Variants in UMODL1 observed in about 807,000 individuals in gnomAD.
UMODL1 encodes the protein uromodulin-like 1.
In UMODL1, 128 loss-of-function variants were observed where a neutral mutation model predicts 136.3. The ratio of observed to expected loss-of-function variants is 0.94; its 90% CI spans 0.81 to 1.09. The LOEUF (loss-of-function observed/expected upper bound fraction) is 1.09. UMODL1 is among the 50% of genes least tolerant of loss of function. The probability of loss-of-function intolerance (pLI) is 0.00; values close to 1 mark genes in which losing one functional copy is unlikely to be tolerated. For synonymous variants in UMODL1, 721 were observed against 720.0 expected (o/e 1.00, Z -0.02); for missense variants, 1,766 against 1,725.6 (o/e 1.02, Z -0.41).
At chr21:42,109,425 C>A in intron 9 of UMODL1, 137 bp from the exon 10 acceptor site, 2 of 1,147,052 alleles carry the variant, frequency 1.7e-6, no homozygotes, top group Non-Finnish European at 2.5e-6. Flanking sequence ...GAGTGTTGGA[C>A]GGATGCCCCA....
At chr21:42,113,873 A>T (rs1473525430) in intron 13 of UMODL1, 43 bp downstream of exon 13, 2 of 1,588,910 alleles carry the variant, frequency 1.3e-6, no homozygotes, top group East Asian at 4.5e-5. Flanking sequence ...AACAAAAAGT[A>T]TGAAAAAGAC....
intron 12 of UMODL1, 93 bp from the exon 13 acceptor site, chr21:42,113,480 T>G: frequency 2.7e-6 from 4 of 1,464,760 alleles, no homozygotes; most frequent in East Asian, 2.3e-5. Context: ...CATGTCCCCA[T>G]GGTGATGAAT....
chr21:42,063,680 C>T (rs1232239556), intron 1 of UMODL1, among the ~76,000 whole-genome samples: 2 of 152,232 alleles, frequency 1.3e-5, no homozygotes, highest in Non-Finnish European at 2.9e-5. Flanking sequence ...GGGACTGGTG[C>T]ACGCAAGGAG....
chr21:42,064,714 C>T (rs1281044634), intron 1 of UMODL1, among the ~76,000 whole-genome samples: 2 of 152,142 alleles, frequency 1.3e-5, no homozygotes, highest in African/African-American at 4.8e-5. Context: ...CAACACCACA[C>T]CTGGCTAATT....
At chr21:42,070,046 T>C (rs2066216195), upstream of UMODL1, among the ~76,000 whole-genome samples, 1 of 152,232 alleles carries the variant, frequency 6.6e-6, no homozygotes. Context: ...TGTATTCTTG[T>C]CATGGCATCT....
intron 1 of UMODL1, among the ~76,000 whole-genome samples, chr21:42,074,471 G>T (rs1361334664): frequency 6.6e-6 from 1 of 152,150 alleles, no homozygotes; most frequent in African/African-American, 2.4e-5. Context: ...TAGGCAGTAG[G>T]GGCTCCCGGG....
Position 42,088,274 on chromosome 21 carries a change from C to A in UMODL1, c.604-20C>A. On this transcript the variant is annotated intron_variant, in intron 4 of 22. Coordinates refer to ENST00000408910, the MANE Select transcript of UMODL1 (RefSeq NM_001004416.3). Reference sequence around the variant, plus strand: ...CGGGGTGTCCTTCTGCTGTGTGACACTCTGATTCTGCCTTCACAGGTCACC... The same window carrying A: ...CGGGGTGTCCTTCTGCTGTGTGACAATCTGATTCTGCCTTCACAGGTCACC... 1.2e-6 allele frequency: 2 copies of A among 1,605,286 alleles called. No homozygotes were observed. Among genetic ancestry groups the A allele is most frequent in the South Asian group, 2.2e-5 (2 of 90,826 alleles).
At chr21:42,110,381 T>C (rs1233536362) in intron 10 of UMODL1, among the ~76,000 whole-genome samples, 10 of 152,214 alleles carry the variant, frequency 6.6e-5, no homozygotes, top group African/African-American at 2.4e-4. Flanking sequence ...CCGAGACCAG[T>C]TCCCTGGGGA....
chr21:42,104,229 G>A, intron 9 of UMODL1, 142 bp downstream of exon 9: 1 of 940,374 alleles, frequency 1.1e-6, no homozygotes, highest in African/African-American at 1.7e-5. Context: ...ACCGGAACCA[G>A]GGGCCAGGGC....
chr21:42,106,304 A>T (rs1459823742), intron 9 of UMODL1, among the ~76,000 whole-genome samples: 1 of 152,234 alleles, frequency 6.6e-6, no homozygotes, highest in Admixed American at 6.5e-5. Context: ...GGATCTGTAG[A>T]AGAAGACATT....
rs2066449558 is a variant in UMODL1 at position 42,088,314 on chromosome 21, A to G, written c.624A>G (p.Pro208=). The G allele has an allele frequency of 6.2e-7, 1 of 1,613,132 alleles. No individual in the cohort carries two copies. The highest frequency in any genetic ancestry group is 1.3e-5 in the African/African-American group (1 of 74,986). The change falls in exon 5 of 23, where the codon CCA becomes CCG. Residue 208 remains proline, a synonymous_variant. Coordinates refer to ENST00000408910, the MANE Select transcript of UMODL1 (RefSeq NM_001004416.3). The stretch of plus-strand genomic sequence containing the variant: ...CACAGGTCACCAGCGCCCTGCAACC[A>G]ATGGCCTCCACCGTCCACCACCTGC... The part of the protein sequence containing the change: ...LHSLVTSALQ[P]MASTVHHLHS...
chr21:42,129,867 T>TA, intron 21 of UMODL1, 70 bp downstream of exon 21: 1 of 1,214,988 alleles, frequency 8.2e-7, no homozygotes, highest in Non-Finnish European at 1.1e-6. Context: ...AGCATGTAAA[T>TA]AAAAAAGTAA....
At chr21:42,080,021 G>A (rs1286701882) in intron 2 of UMODL1, among the ~76,000 whole-genome samples, 2 of 152,224 alleles carry the variant, frequency 1.3e-5, no homozygotes, top group African/African-American at 4.8e-5. Flanking sequence ...TGCCGCTGGA[G>A]GGCCTGTATC....
chr21:42,081,706 C>T (rs1282764880), intron 2 of UMODL1, among the ~76,000 whole-genome samples: 1 of 152,180 alleles, frequency 6.6e-6, no homozygotes, highest in East Asian at 1.9e-4. Context: ...TACCCCCCAA[C>T]CCAGCTTCCC....
chr21:42,126,037 A>G (rs1196991931), intron 17 of UMODL1, among the ~76,000 whole-genome samples: 1 of 152,180 alleles, frequency 6.6e-6, no homozygotes, highest in Non-Finnish European at 1.5e-5. Flanking sequence ...TGAAATCCAC[A>G]AGAGCTCTTG....
chr21:42,088,846 C>A (rs534815996), intron 5 of UMODL1, among the ~76,000 whole-genome samples: 1 of 152,172 alleles, frequency 6.6e-6, no homozygotes, highest in Non-Finnish European at 1.5e-5. Flanking sequence ...ACACAAAGAA[C>A]TTGTTTCTTC....
intron 6 of UMODL1, among the ~76,000 whole-genome samples, chr21:42,093,680 C>T (rs1160436582): frequency 6.6e-6 from 1 of 152,132 alleles, no homozygotes; most frequent in Non-Finnish European, 1.5e-5. Context: ...GTGGGGAGAG[C>T]GGACTTGCCC....
Position 42,111,629 on chromosome 21 carries a change from C to A in UMODL1, c.2023C>A (p.Arg675=), listed in dbSNP as rs774427422. 1.9e-6 allele frequency: 3 copies of A among 1,614,092 alleles called. No individual in the cohort carries two copies. The highest frequency in any genetic ancestry group is 2.2e-5 in the East Asian group (1 of 44,882). The change falls in exon 12 of 23, where the codon CGA becomes AGA. Residue 675 remains arginine (R), a synonymous_variant. Coordinates refer to ENST00000408910, the MANE Select transcript of UMODL1 (RefSeq NM_001004416.3). ...RETLLNPTWL[R]NEDSGPSGSV... ...AACACTTCTGAATCCCACGTGGCTGCGAAATGAGGACAGTGGACCCTCCGG... is the reference window on the plus strand; with the variant it reads ...AACACTTCTGAATCCCACGTGGCTGAGAAATGAGGACAGTGGACCCTCCGG...
intron 6 of UMODL1, among the ~76,000 whole-genome samples, chr21:42,093,692 C>T (rs115273706): frequency 0.05 from 7,561 of 152,196 alleles, 238 homozygotes; most frequent in African/African-American, 0.088. Context: ...GACTTGCCCT[C>T]CACCCACTGG....
Sources: allele counts gnomAD v4.1 joint callset (sites outside exome capture counted in the v4.1 genomes callset), GRCh38; gene constraint gnomAD v4.1.1; transcripts MANE v1.5; gene names NCBI Gene and HGNC (gene_info 2026-07-23, HGNC 2026-07-21).